The following PPFIBP2 variants were observed in gnomAD, a reference collection of about 807,000 sequenced individuals.
PPFIBP2 encodes the protein PPFIB scaffold protein 2, also known as liprin-beta-2.
Under a neutral mutation model 118.3 loss-of-function variants are expected in PPFIBP2, and 118 were observed. That is an observed-to-expected ratio of 1.00 (90% CI 0.86 to 1.16). PPFIBP2 has a LOEUF of 1.16. PPFIBP2 is among the 50% of genes most tolerant of loss of function. The pLI is 0.00. For synonymous variants in PPFIBP2, 414 were observed against 397.4 expected (o/e 1.04, Z -0.50); for missense variants, 1,195 against 1,073.1 (o/e 1.11, Z -1.59).
At chr11:7,609,388 G>A (rs1318188757) in intron 5 of PPFIBP2, among the ~76,000 whole-genome samples, 2 of 152,182 alleles carry the variant, frequency 1.3e-5, no homozygotes, top group Non-Finnish European at 2.9e-5. Flanking sequence ...TGTCTACCAT[G>A]TGCCGGGATT....
intron 23 of PPFIBP2, 146 bp from the exon 24 acceptor site, chr11:7,652,878 G>T: frequency 1.0e-6 from 1 of 952,996 alleles, no homozygotes; most frequent in Non-Finnish European, 1.6e-6. Context: ...GCTTCCAAGA[G>T]CTCTGTTTTG....
chr11:7,573,617 G>T (rs1855915083), intron 3 of PPFIBP2, among the ~76,000 whole-genome samples: 1 of 152,188 alleles, frequency 6.6e-6, no homozygotes, highest in African/African-American at 2.4e-5. Context: ...ATCTATTTTG[G>T]AGGTGCATTC....
Position 7,527,434 on chromosome 11 carries a change from T to A in PPFIBP2, c.-37+13313T>A, listed in dbSNP as rs147881990. Among the ~76,000 whole-genome samples the A allele has an allele frequency of 9.3e-3, 1,408 of 152,186 alleles. 24 individuals carry two copies. Among genetic ancestry groups the A allele is most frequent in the African/African-American group, 0.032 (1,309 of 41,534 alleles). On this transcript the variant is annotated intron_variant, in intron 1 of 23. Transcript: ENST00000299492. ...CTTTAGCAGCAGAGGTAGAGCATAC[T>A]TCTCAGGTACTGTGGAATCAGTAGG...
At chr11:7,599,308 G>C (rs1282455980) in intron 5 of PPFIBP2, among the ~76,000 whole-genome samples, 1 of 152,170 alleles carries the variant, frequency 6.6e-6, no homozygotes, top group Non-Finnish European at 1.5e-5. Flanking sequence ...TCCAGAAAGA[G>C]AGCAAGAACA....
At chr11:7,662,205 T>A in the PPFIBP2 span, among the ~76,000 whole-genome samples, 3 of 152,014 alleles carry the variant, frequency 2.0e-5, no homozygotes, top group Non-Finnish European at 4.4e-5. Flanking sequence ...GTTAGCTGGT[T>A]ATTTTGCTCG....
intron 1 of PPFIBP2, among the ~76,000 whole-genome samples, chr11:7,543,705 T>C (rs1188472254): frequency 6.6e-6 from 1 of 152,256 alleles, no homozygotes; most frequent in Non-Finnish European, 1.5e-5. Context: ...AAAGGTTTAC[T>C]TGCTTCCGAC....
At chr11:7,585,590 C>T (rs1858013351) in intron 3 of PPFIBP2, among the ~76,000 whole-genome samples, 1 of 152,216 alleles carries the variant, frequency 6.6e-6, no homozygotes, top group Admixed American at 6.5e-5. Context: ...TGCAAATGGC[C>T]AGCCAGGCCA....
downstream of PPFIBP2, among the ~76,000 whole-genome samples, chr11:7,657,885 G>C (rs1303177796): frequency 6.6e-6 from 1 of 152,230 alleles, no homozygotes; most frequent in Admixed American, 6.5e-5. Context: ...CAAACTTGGA[G>C]CACCTGCTCT....
chr11:7,531,632 T>C (rs1351624990), intron 1 of PPFIBP2, among the ~76,000 whole-genome samples: 1 of 152,156 alleles, frequency 6.6e-6, no homozygotes, highest in Non-Finnish European at 1.5e-5. Flanking sequence ...GGCTGCCTTC[T>C]TCCCATAACT....
intron 21 of PPFIBP2, among the ~76,000 whole-genome samples, chr11:7,650,209 C>CA (rs553539570): frequency 7.3e-4 from 111 of 152,270 alleles, no homozygotes; most frequent in Non-Finnish European, 1.3e-3. Flanking sequence ...GGTGGACCCC[C>CA]AAACTGAAGA....
chr11:7,641,232 G>A (rs376436897), intron 15 of PPFIBP2: 9 of 780,204 alleles, frequency 1.2e-5, no homozygotes, highest in South Asian at 1.1e-4. Context: ...AAGTACTTTG[G>A]ACCCCAAATC....
chr11:7,553,776 AC>A (rs1402800906), intron 2 of PPFIBP2, among the ~76,000 whole-genome samples: 1 of 152,010 alleles, frequency 6.6e-6, no homozygotes, highest in Non-Finnish European at 1.5e-5. Flanking sequence ...AATTATTTTT[AC>A]CCCCCAAGAT....
At chr11:7,578,057 G>A (rs188472028) in intron 3 of PPFIBP2, among the ~76,000 whole-genome samples, 6 of 152,312 alleles carry the variant, frequency 3.9e-5, no homozygotes, top group African/African-American at 7.2e-5. Flanking sequence ...GATGTTATCC[G>A]GTGGAGCACA....
chr11:7,582,140 T>A (rs900062528), intron 3 of PPFIBP2, among the ~76,000 whole-genome samples: 21 of 152,170 alleles, frequency 1.4e-4, no homozygotes, highest in African/African-American at 5.1e-4. Context: ...GCCCAGCCAA[T>A]TCAATGTATG....
intron 6 of PPFIBP2, among the ~76,000 whole-genome samples, chr11:7,613,990 T>C (rs769259600): frequency 7.9e-5 from 12 of 152,222 alleles, no homozygotes; most frequent in Non-Finnish European, 1.5e-4. Flanking sequence ...TTCTTCTTCC[T>C]TGTGGTTAGG....
At chr11:7,629,980 T>C (rs1850540068) in intron 10 of PPFIBP2, among the ~76,000 whole-genome samples, 2 of 152,200 alleles carry the variant, frequency 1.3e-5, no homozygotes, top group Admixed American at 1.3e-4. Flanking sequence ...TTGCTGGGCC[T>C]GAGTTGCTAT....
At chr11:7,565,499 C>G in intron 2 of PPFIBP2, 54 bp from the exon 3 acceptor site, 1 of 1,582,134 alleles carries the variant, frequency 6.3e-7, no homozygotes, top group Non-Finnish European at 8.7e-7. Context: ...TTACTAGTAC[C>G]TTGCTCAGGG....
At chr11:7,644,730 T>C (rs1852720373) in intron 17 of PPFIBP2, among the ~76,000 whole-genome samples, 1 of 152,018 alleles carries the variant, frequency 6.6e-6, no homozygotes, top group Non-Finnish European at 1.5e-5. Context: ...AAATTTTGCC[T>C]AAAAAAGGTA....
At chr11:7,619,199 T>C (rs1469250509) in intron 6 of PPFIBP2, among the ~76,000 whole-genome samples, 1 of 152,178 alleles carries the variant, frequency 6.6e-6, no homozygotes, top group Non-Finnish European at 1.5e-5. Flanking sequence ...AAATAAATAT[T>C]TAATTGCAAA....
Sources: gnomAD v4.1 joint callset for allele counts (sites outside exome capture counted in the v4.1 genomes callset) on GRCh38, gnomAD v4.1.1 for gene constraint, MANE v1.5 for transcripts, NCBI Gene and HGNC (gene_info 2026-07-23, HGNC 2026-07-21) for gene names.